The following SOX6 variants were observed in gnomAD, a reference collection of about 807,000 sequenced individuals.
SOX6 encodes the protein transcription factor SOX-6.
SOX6 carries 11 observed loss-of-function variants against 97.8 expected under a neutral mutation model. The ratio of observed to expected loss-of-function variants is 0.11; its 90% CI spans 0.07 to 0.19. The LOEUF (loss-of-function observed/expected upper bound fraction) is 0.19, where lower values mean the gene tolerates loss of function less well. Among genes scored for constraint, SOX6 ranks in the 10% least tolerant of loss-of-function variants. SOX6 has a pLI of 1.00. For synonymous variants in SOX6, 360 were observed against 371.4 expected (o/e 0.97, Z 0.35); for missense variants, 810 against 1,039.5 (o/e 0.78, Z 3.04).
chr11:16,260,176 T>G (rs897332226), intron 3 of SOX6, among the ~76,000 whole-genome samples: 1 of 151,728 alleles, frequency 6.6e-6, no homozygotes, highest in African/African-American at 2.4e-5. Flanking sequence ...ATTTTTTGTA[T>G]TTTTTAGTAG....
intron 1 of SOX6, among the ~76,000 whole-genome samples, chr11:16,374,668 T>C (rs1857596039): frequency 6.6e-6 from 1 of 152,048 alleles, no homozygotes. Context: ...GGTTTCTTTG[T>C]AATGAAAAAA....
At chr11:16,177,327 C>T (rs1040274819) in intron 6 of SOX6, among the ~76,000 whole-genome samples, 2 of 151,886 alleles carry the variant, frequency 1.3e-5, no homozygotes, top group African/African-American at 4.8e-5. Context: ...ATGTTTAATA[C>T]AACTCTTACT....
At chr11:16,068,400 A>T (rs1337268226) in intron 9 of SOX6, among the ~76,000 whole-genome samples, 2 of 152,170 alleles carry the variant, frequency 1.3e-5, no homozygotes, top group Non-Finnish European at 2.9e-5. Context: ...GACTGAAAGG[A>T]AGGGTAGGGA....
intron 3 of SOX6, among the ~76,000 whole-genome samples, chr11:16,285,182 C>T (rs1186550346): frequency 6.6e-6 from 1 of 151,982 alleles, no homozygotes; most frequent in Admixed American, 6.6e-5. Context: ...TAGACTACAA[C>T]AAATAAAATG....
At chr11:16,166,656 G>T (rs1219449591) in intron 6 of SOX6, among the ~76,000 whole-genome samples, 1 of 152,152 alleles carries the variant, frequency 6.6e-6, no homozygotes, top group African/African-American at 2.4e-5. Flanking sequence ...AGGCCCAAGG[G>T]ACTGTGGAAG....
chr11:16,585,758 C>T (rs571084109), intron 4 of SOX6, among the ~76,000 whole-genome samples: 1 of 140,278 alleles, frequency 7.1e-6, no homozygotes, highest in South Asian at 2.2e-4. Context: ...TCACGGTTTG[C>T]CACAGCCAGG....
At chr11:16,725,307 C>T (rs758125231) in intron 2 of SOX6, among the ~76,000 whole-genome samples, 22 of 152,100 alleles carry the variant, frequency 1.4e-4, no homozygotes, top group Admixed American at 7.2e-4. Context: ...GTGGACCCCT[C>T]GAACCCAGGA....
intron 4 of SOX6, among the ~76,000 whole-genome samples, chr11:16,602,419 A>C (rs1264227942): frequency 6.6e-6 from 1 of 152,176 alleles, no homozygotes; most frequent in Non-Finnish European, 1.5e-5. Context: ...CTTGCTTTCA[A>C]AGTTTGAAAC....
intron 1 of SOX6, among the ~76,000 whole-genome samples, chr11:16,471,995 A>G (rs1302860624): frequency 6.6e-6 from 1 of 152,210 alleles, no homozygotes; most frequent in East Asian, 1.9e-4. Context: ...AACTCCAGAA[A>G]TAACCATACA....
intron 4 of SOX6, among the ~76,000 whole-genome samples, chr11:16,587,883 A>T (rs935689469): frequency 1.3e-5 from 2 of 152,192 alleles, no homozygotes; most frequent in African/African-American, 4.8e-5. Flanking sequence ...CACGCAATGA[A>T]TTGATGGCTG....
chr11:16,111,961 C>T, intron 6 of SOX6, 38 bp from the exon 7 acceptor site: 1 of 1,610,926 alleles, frequency 6.2e-7, no homozygotes, highest in Admixed American at 1.7e-5. Flanking sequence ...AGACAGGGAG[C>T]AAATGTATGC....
chr11:16,221,044 T>C (rs1852523201), intron 4 of SOX6, among the ~76,000 whole-genome samples: 1 of 152,070 alleles, frequency 6.6e-6, no homozygotes, highest in South Asian at 2.1e-4. Context: ...AATTATGTGC[T>C]AATCTAAGGT....
intron 6 of SOX6, among the ~76,000 whole-genome samples, chr11:16,114,661 A>G (rs1459553125): frequency 1.3e-5 from 2 of 152,208 alleles, no homozygotes; most frequent in Non-Finnish European, 2.9e-5. Context: ...GAGGCTTGTC[A>G]TGCTTAGCAG....
At chr11:16,567,140 C>T (rs1209526034) in intron 4 of SOX6, among the ~76,000 whole-genome samples, 1 of 152,014 alleles carries the variant, frequency 6.6e-6, no homozygotes, top group African/African-American at 2.4e-5. Context: ...GTTAACTCTA[C>T]AGAAAAAAAA....
chr11:16,059,617 T>C (rs1339576839), intron 9 of SOX6, among the ~76,000 whole-genome samples: 1 of 152,032 alleles, frequency 6.6e-6, no homozygotes, highest in African/African-American at 2.4e-5. Context: ...ATTGTTGCTT[T>C]CTTTGGAACA....
intron 3 of SOX6, among the ~76,000 whole-genome samples, chr11:16,257,863 A>T (rs1853740173): frequency 6.6e-6 from 1 of 151,978 alleles, no homozygotes; most frequent in African/African-American, 2.4e-5. Flanking sequence ...CACAATAAGA[A>T]AACAACAATC....
chr11:16,603,765 A>C (rs1447827585), intron 4 of SOX6, among the ~76,000 whole-genome samples: 2 of 152,020 alleles, frequency 1.3e-5, no homozygotes, highest in African/African-American at 4.8e-5. Context: ...TACCCCTCTT[A>C]CCAATAGTTG....
intron 3 of SOX6, among the ~76,000 whole-genome samples, chr11:16,669,919 C>T (rs146080070): frequency 2.0e-4 from 31 of 152,268 alleles, no homozygotes; most frequent in African/African-American, 7.2e-4. Flanking sequence ...TCTGCCACTA[C>T]AGTTGCAGTC....
At chr11:16,496,234 G>GA (rs1217223025) in intron 4 of SOX6, among the ~76,000 whole-genome samples, 4 of 150,726 alleles carry the variant, frequency 2.7e-5, no homozygotes, top group Admixed American at 2.6e-4. Flanking sequence ...ATATTTCAAT[G>GA]AAAAAAAACT....
Sources: allele counts gnomAD v4.1 joint callset (sites outside exome capture counted in the v4.1 genomes callset), GRCh38; gene constraint gnomAD v4.1.1; transcripts MANE v1.5; gene names NCBI Gene and HGNC (gene_info 2026-07-23, HGNC 2026-07-21).